Variants in SUGCT observed in about 807,000 individuals in gnomAD.
SUGCT encodes succinyl-CoA:glutarate-CoA transferase, also known as succinyl-CoA:glutarate CoA-transferase.
Under a neutral mutation model 55.0 loss-of-function variants are expected in SUGCT, and 41 were observed. The ratio of observed to expected loss-of-function variants is 0.74; its 90% CI spans 0.58 to 0.97. The LOEUF is 0.97. Ranked by LOEUF, SUGCT falls within the 50% of genes least tolerant of loss-of-function variation. SUGCT has a pLI of 0.00. For missense variants in SUGCT, 568 were observed against 547.8 expected, an observed-to-expected ratio of 1.04 and a Z score of -0.37; for synonymous variants, 187 against 200.4, an observed-to-expected ratio of 0.93 and a Z score of 0.56.
intron 9 of SUGCT, among the ~76,000 whole-genome samples, chr7:40,320,388 G>A (rs777001693): frequency 3.5e-4 from 53 of 152,234 alleles, no homozygotes; most frequent in Non-Finnish European, 6.0e-4. Flanking sequence ...TTACAGGCGT[G>A]AGCCTGTAAT....
chr7:40,805,634 A>G (rs1431312179), intron 13 of SUGCT, among the ~76,000 whole-genome samples: 2 of 152,184 alleles, frequency 1.3e-5, no homozygotes, highest in African/African-American at 4.8e-5. Context: ...AAGCCAAAAT[A>G]TGTTTGGGGC....
intron 12 of SUGCT, among the ~76,000 whole-genome samples, chr7:40,699,544 C>G (rs1785084387): frequency 6.6e-6 from 1 of 152,140 alleles, no homozygotes; most frequent in African/African-American, 2.4e-5. Flanking sequence ...TTGCATAATG[C>G]TAATGAATTT....
At chr7:40,173,277 A>C (rs918723667) in intron 1 of SUGCT, among the ~76,000 whole-genome samples, 1 of 152,244 alleles carries the variant, frequency 6.6e-6, no homozygotes, top group African/African-American at 2.4e-5. Flanking sequence ...AGCCCAATTG[A>C]GAGCAGCAAT....
At chr7:40,843,991 C>T (rs1793421810) in intron 13 of SUGCT, among the ~76,000 whole-genome samples, 2 of 152,162 alleles carry the variant, frequency 1.3e-5, no homozygotes, top group South Asian at 4.2e-4. Context: ...CTAAACCCAT[C>T]ACGGGAAGGG....
intron 12 of SUGCT, among the ~76,000 whole-genome samples, chr7:40,719,057 T>G (rs1264227341): frequency 2.6e-5 from 4 of 152,230 alleles, no homozygotes; most frequent in African/African-American, 9.6e-5. Flanking sequence ...ATCTCTTCAT[T>G]GTCCTTAAGA....
intron 12 of SUGCT, among the ~76,000 whole-genome samples, chr7:40,528,949 AAAG>A (rs1793943276): frequency 6.6e-6 from 1 of 152,202 alleles, no homozygotes; most frequent in Non-Finnish European, 1.5e-5. Context: ...GAGGTAGAAA[AAAG>A]GAGGAGATGT....
intron 12 of SUGCT, among the ~76,000 whole-genome samples, chr7:40,682,038 C>T (rs1784270672): frequency 6.6e-6 from 1 of 152,138 alleles, no homozygotes; most frequent in South Asian, 2.1e-4. Flanking sequence ...ACTTCCTTGG[C>T]TGTTGTTTTA....
the SUGCT span, among the ~76,000 whole-genome samples, chr7:41,004,990 A>C: frequency 1.3e-5 from 2 of 152,180 alleles, no homozygotes; most frequent in Non-Finnish European, 2.9e-5. Context: ...CAATGGAAAA[A>C]GTAAACATTG....
At chr7:40,322,982 T>TAAAATAAAATAAAATAAAATA (rs1795831718) in intron 9 of SUGCT, among the ~76,000 whole-genome samples, 1 of 151,760 alleles carries the variant, frequency 6.6e-6, no homozygotes, top group South Asian at 2.1e-4. Context: ...ATAAATAAAA[T>TAAAATAAAATAAAATAAAATA]AAAATAAAAT....
the SUGCT span, among the ~76,000 whole-genome samples, chr7:40,917,815 C>T: frequency 6.6e-6 from 1 of 152,166 alleles, no homozygotes; most frequent in East Asian, 1.9e-4. Context: ...GCATCCCTTT[C>T]TCCTCTCACA....
chr7:40,801,783 A>G (rs941549700), intron 13 of SUGCT, among the ~76,000 whole-genome samples: 2 of 152,124 alleles, frequency 1.3e-5, no homozygotes, highest in Admixed American at 1.3e-4. Flanking sequence ...TAACAACCCT[A>G]AAGATGTTTA....
downstream of SUGCT, among the ~76,000 whole-genome samples, chr7:40,865,355 C>T (rs1158286648): frequency 1.3e-5 from 2 of 152,112 alleles, no homozygotes; most frequent in South Asian, 4.2e-4. Context: ...CACAAGCAGT[C>T]TTGAATTAAT....
At chr7:40,988,860 T>C in the SUGCT span, among the ~76,000 whole-genome samples, 1 of 150,848 alleles carries the variant, frequency 6.6e-6, no homozygotes, top group Middle Eastern at 3.4e-3. Context: ...TGCCAATAAA[T>C]AAATATATTT....
chr7:41,018,484 C>A, the SUGCT span, among the ~76,000 whole-genome samples: 1 of 152,198 alleles, frequency 6.6e-6, no homozygotes, highest in Non-Finnish European at 1.5e-5. Context: ...ACTTCACCTG[C>A]AGAAGATTCA....
intron 12 of SUGCT, among the ~76,000 whole-genome samples, chr7:40,542,826 T>C (rs1794769338): frequency 6.6e-6 from 1 of 152,028 alleles, no homozygotes; most frequent in African/African-American, 2.4e-5. Context: ...ACTGATTCGA[T>C]ATAGTTAAAC....
chr7:40,434,285 G>A (rs888416928), intron 9 of SUGCT, among the ~76,000 whole-genome samples: 4 of 152,252 alleles, frequency 2.6e-5, no homozygotes, highest in Admixed American at 6.5e-5. Flanking sequence ...ATACTATTCA[G>A]ATTGTATCTT....
At chr7:40,559,595 G>A (rs886795698) in intron 12 of SUGCT, among the ~76,000 whole-genome samples, 3 of 152,168 alleles carry the variant, frequency 2.0e-5, no homozygotes, top group Non-Finnish European at 4.4e-5. Context: ...GTCCCTCAAG[G>A]AATCAGTTGA....
intron 7 of SUGCT, among the ~76,000 whole-genome samples, chr7:40,238,846 A>G (rs1365375297): frequency 6.9e-6 from 1 of 145,460 alleles, no homozygotes; most frequent in Non-Finnish European, 1.5e-5. Context: ...TTTAAGTCAG[A>G]GTCTTGCTCT....
intron 7 of SUGCT, among the ~76,000 whole-genome samples, chr7:40,241,264 C>T (rs957287095): frequency 1.3e-5 from 2 of 151,914 alleles, no homozygotes; most frequent in African/African-American, 2.4e-5. Flanking sequence ...CATTTTTATT[C>T]AAAACTGGGC....
Sources: gnomAD v4.1 joint callset for allele counts (sites outside exome capture counted in the v4.1 genomes callset) on GRCh38, gnomAD v4.1.1 for gene constraint, MANE v1.5 for transcripts, NCBI Gene and HGNC (gene_info 2026-07-23, HGNC 2026-07-21) for gene names.